The following EPM2A variants were observed in gnomAD, a reference collection of about 807,000 sequenced individuals.
EPM2A encodes EPM2A glucan phosphatase, laforin.
Under a neutral mutation model 26.5 loss-of-function variants are expected in EPM2A, and 21 were observed. That is an observed-to-expected ratio of 0.79 (90% CI 0.56 to 1.14). EPM2A has a LOEUF of 1.14. Among genes scored for constraint, EPM2A ranks in the 50% most tolerant of loss-of-function variants. The pLI is 0.00. For synonymous variants in EPM2A, 217 were observed against 177.6 expected (o/e 1.22, Z -1.76); for missense variants, 458 against 440.8 (o/e 1.04, Z -0.35).
At chr6:145,498,904 G>T (rs781211368), downstream of EPM2A, among the ~76,000 whole-genome samples, 45 of 152,094 alleles carry the variant, frequency 3.0e-4, no homozygotes, top group Non-Finnish European at 5.7e-4. Flanking sequence ...TGAAGAGTGT[G>T]AACTTTATCT....
intron 4 of EPM2A, among the ~76,000 whole-genome samples, chr6:145,475,846 T>A (rs1779536226): frequency 6.6e-6 from 1 of 150,958 alleles, no homozygotes; most frequent in African/African-American, 2.4e-5. Context: ...CCAGAGAAAA[T>A]CATCTTTACT....
chr6:145,631,726 T>C (rs1258868149), intron 3 of EPM2A: 1 of 152,112 alleles, frequency 6.6e-6, no homozygotes, highest in Non-Finnish European at 1.5e-5. Context: ...GGTAGAGCAT[T>C]TGGGCAGGTA....
At chr6:145,727,742 C>CT (rs1776283271) in intron 1 of EPM2A, among the ~76,000 whole-genome samples, 1 of 152,184 alleles carries the variant, frequency 6.6e-6, no homozygotes, top group Admixed American at 6.5e-5. Flanking sequence ...TAGCTGCCTA[C>CT]CTAAAATCTA....
At chr6:145,609,748 T>C (rs1490732136) in intron 2 of EPM2A, among the ~76,000 whole-genome samples, 1 of 152,214 alleles carries the variant, frequency 6.6e-6, no homozygotes, top group Non-Finnish European at 1.5e-5. Flanking sequence ...AACATTCAAT[T>C]TTCTCTTTGA....
chr6:145,700,555 C>T (rs1781855045), intron 1 of EPM2A, among the ~76,000 whole-genome samples: 1 of 150,842 alleles, frequency 6.6e-6, no homozygotes, highest in Admixed American at 6.6e-5. Flanking sequence ...CCCACACACA[C>T]AAAAAAAAAC....
At chr6:145,735,542 G>A (rs1244519151), upstream of EPM2A, 14 of 1,156,316 alleles carry the variant, frequency 1.2e-5, no homozygotes, top group Non-Finnish European at 1.5e-5. Flanking sequence ...GAGTCCCCGC[G>A]GCCGGCAGGC....
chr6:145,615,975 A>C (rs1775504179), intron 2 of EPM2A, among the ~76,000 whole-genome samples: 1 of 152,238 alleles, frequency 6.6e-6, no homozygotes, highest in South Asian at 2.1e-4. Flanking sequence ...AAGCAATAGA[A>C]AAGAAAATCC....
At chr6:145,630,927 C>T (rs1776203602) in intron 3 of EPM2A, 1 of 152,158 alleles carries the variant, frequency 6.6e-6, no homozygotes, top group South Asian at 2.1e-4. Flanking sequence ...CAAACTCAGC[C>T]AGTGTGACTC....
At chr6:145,722,312 A>G (rs2128639429) in intron 1 of EPM2A, among the ~76,000 whole-genome samples, 1 of 152,310 alleles carries the variant, frequency 6.6e-6, no homozygotes, top group East Asian at 1.9e-4. Context: ...GAAAAGAAGG[A>G]TGGGGAAATT....
intron 4 of EPM2A, among the ~76,000 whole-genome samples, chr6:145,469,319 T>G (rs1246151597): frequency 2.0e-5 from 3 of 152,110 alleles, no homozygotes; most frequent in Non-Finnish European, 4.4e-5. Flanking sequence ...GTGAGCATTA[T>G]GGGGATTACA....
rs1454301522 is a variant in EPM2A at position 145,441,172 on chromosome 6, C to G, written c.556-57075G>C. Among the ~76,000 whole-genome samples, 4 of 152,234 alleles carry G rather than the reference C, an allele frequency of 2.6e-5. No homozygotes were observed. The East Asian group carries it at 5.8e-4, about 22-fold the overall frequency. ...TTCTTGACTTTCATGCACCCACAGG[C>G]TCAACACCACATGGAAGCTGCCAAG... On this transcript the variant is annotated intron_variant, in intron 4 of 4. Transcript: ENST00000638717.
chr6:145,687,851 C>T (rs1781030939), intron 1 of EPM2A, among the ~76,000 whole-genome samples: 1 of 151,774 alleles, frequency 6.6e-6, no homozygotes, highest in African/African-American at 2.4e-5. Context: ...TTTTTTTTCT[C>T]GACGACTACA....
chr6:145,582,372 T>C (rs1355072229), intron 2 of EPM2A, among the ~76,000 whole-genome samples: 1 of 152,236 alleles, frequency 6.6e-6, no homozygotes, highest in Non-Finnish European at 1.5e-5. Context: ...TGGCCAATTT[T>C]AGAGTATGTG....
chr6:145,435,391 G>C (rs891051267), intron 4 of EPM2A, among the ~76,000 whole-genome samples: 3 of 146,732 alleles, frequency 2.0e-5, no homozygotes, highest in Non-Finnish European at 4.5e-5. Flanking sequence ...AAATCAATGA[G>C]AGAAAAGAGT....
intron 2 of EPM2A, among the ~76,000 whole-genome samples, chr6:145,547,969 A>T (rs1249105477): frequency 1.3e-5 from 2 of 152,026 alleles, no homozygotes; most frequent in African/African-American, 4.8e-5. Flanking sequence ...ACGACCCCAA[A>T]ACTAATATTC....
intron 3 of EPM2A, among the ~76,000 whole-genome samples, chr6:145,502,255 C>T (rs116883149): frequency 0.02 from 3,021 of 152,352 alleles, 42 homozygotes; most frequent in Admixed American, 0.04. Flanking sequence ...TTCTTGCTGT[C>T]TTGTCCTGGG....
At chr6:145,658,297 T>C (rs534386479) in intron 2 of EPM2A, among the ~76,000 whole-genome samples, 1 of 152,356 alleles carries the variant, frequency 6.6e-6, no homozygotes, top group South Asian at 2.1e-4. Context: ...CTACACTCTA[T>C]AGCATTTGTT....
intron 2 of EPM2A, among the ~76,000 whole-genome samples, chr6:145,585,385 A>G (rs1175539537): frequency 1.3e-5 from 2 of 152,128 alleles, no homozygotes; most frequent in Admixed American, 1.3e-4. Context: ...AAGTTTTCTC[A>G]CAGCTCAGTA....
chr6:145,475,253 T>C (rs1433713710), intron 4 of EPM2A, among the ~76,000 whole-genome samples: 3 of 152,202 alleles, frequency 2.0e-5, no homozygotes, highest in Non-Finnish European at 4.4e-5. Flanking sequence ...AAAGAAAATG[T>C]GGCACATATA....
Sources: allele counts gnomAD v4.1 joint callset (sites outside exome capture counted in the v4.1 genomes callset), GRCh38; gene constraint gnomAD v4.1.1; transcripts MANE v1.5; gene names NCBI Gene and HGNC (gene_info 2026-07-23, HGNC 2026-07-21).